BATF: variants seen among roughly 807,000 people sequenced by gnomAD.
BATF encodes basic leucine zipper ATF-like transcription factor.
In BATF, 5 loss-of-function variants were observed where a neutral mutation model predicts 13.7. The observed-to-expected ratio is 0.36, with a 90% confidence interval of 0.19 to 0.77. The LOEUF (loss-of-function observed/expected upper bound fraction) is 0.77. Among genes scored for constraint, BATF ranks in the 30% least tolerant of loss-of-function variants. BATF has a pLI of 0.51. For synonymous variants in BATF, 72 were observed against 67.5 expected (o/e 1.07, Z -0.33); for missense variants, 124 against 163.0 (o/e 0.76, Z 1.30).
intron 2 of BATF, among the ~76,000 whole-genome samples, chr14:75,541,395 C>T (rs778321954): frequency 6.6e-6 from 1 of 152,180 alleles, no homozygotes; most frequent in Non-Finnish European, 1.5e-5. Context: ...TCCCATTTAC[C>T]GCTGATGGAG....
intron 2 of BATF, among the ~76,000 whole-genome samples, chr14:75,534,079 C>T (rs1887783802): frequency 6.6e-6 from 1 of 152,166 alleles, no homozygotes; most frequent in Non-Finnish European, 1.5e-5. Flanking sequence ...TGAGTCCAAA[C>T]TTGACAGGGG....
intron 1 of BATF, among the ~76,000 whole-genome samples, chr14:75,523,293 T>C (rs1887603383): frequency 6.6e-6 from 1 of 151,858 alleles, no homozygotes. Context: ...ATCTCTCTAC[T>C]GGGGCACTGC....
At chr14:75,535,936 G>C (rs942912676) in intron 2 of BATF, among the ~76,000 whole-genome samples, 1 of 152,164 alleles carries the variant, frequency 6.6e-6, no homozygotes, top group Non-Finnish European at 1.5e-5. Context: ...AAGAGAGTAG[G>C]ATGACACAGA....
At chr14:75,532,227 GA>G in intron 2 of BATF, among the ~76,000 whole-genome samples, 1 of 152,198 alleles carries the variant, frequency 6.6e-6, no homozygotes, top group Non-Finnish European at 1.5e-5. Context: ...TTCAAACTCT[GA>G]TGAAGATGTA....
chr14:75,533,679 G>A (rs993510191), intron 2 of BATF, among the ~76,000 whole-genome samples: 1 of 152,124 alleles, frequency 6.6e-6, no homozygotes, highest in African/African-American at 2.4e-5. Context: ...TGGGTCCACA[G>A]TATAAAGGCC....
chr14:75,546,351 A>G (rs557769086), intron 2 of BATF, 111 bp from the exon 3 acceptor site: 3 of 1,058,350 alleles, frequency 2.8e-6, no homozygotes, highest in African/African-American at 3.2e-5. Context: ...GCCCTTCTCC[A>G]TGGCTGTGCT....
chr14:75,525,274 C>T (rs1274063763), intron 2 of BATF, 86 bp downstream of exon 2: 2 of 1,388,556 alleles, frequency 1.4e-6, no homozygotes, highest in Admixed American at 2.0e-5. Flanking sequence ...AGCTTTGATT[C>T]TGCTTGTGTG....
intron 2 of BATF, among the ~76,000 whole-genome samples, chr14:75,533,775 A>G (rs1329326225): frequency 1.3e-5 from 2 of 152,176 alleles, no homozygotes; most frequent in Non-Finnish European, 2.9e-5. Flanking sequence ...TAATAGTCAT[A>G]CTACCTTGTT....
chr14:75,532,364 G>T (rs1280225309), intron 2 of BATF, among the ~76,000 whole-genome samples: 1 of 152,046 alleles, frequency 6.6e-6, no homozygotes, highest in Non-Finnish European at 1.5e-5. Flanking sequence ...AGAAAGTAAA[G>T]ACATGTTTAC....
At position 75,522,723 on chromosome 14, in the gene BATF, G is replaced by C. The variant is rs777932710; in HGVS notation, c.41G>C (p.Arg14Pro). ...GACAGCAGTGACTCCAGCTTCAGCCGCTCTCCTCCCCCTGGCAAACAGGTA... is the reference window on the plus strand; with the variant it reads ...GACAGCAGTGACTCCAGCTTCAGCCCCTCTCCTCCCCCTGGCAAACAGGTA... Reference protein sequence around the residue: ...SSDSSDSSFSRSPPPGKQDSS... With the variant: ...SSDSSDSSFSPSPPPGKQDSS... Residue 14 changes from arginine (R) to proline (P), a missense_variant, in exon 1 of 3, where the codon CGC becomes CCC. Coordinates refer to ENST00000286639, the MANE Select transcript of BATF (RefSeq NM_006399.5). The C allele has an allele frequency of 5.6e-6, 9 of 1,614,168 alleles. No individual in the cohort carries two copies. Among genetic ancestry groups the C allele is most frequent in the Non-Finnish European group, 7.6e-6 (9 of 1,180,036 alleles).
chr14:75,532,885 A>T (rs1478459362), intron 2 of BATF, among the ~76,000 whole-genome samples: 1 of 152,208 alleles, frequency 6.6e-6, no homozygotes, highest in African/African-American at 2.4e-5. Flanking sequence ...GCATAAAGAG[A>T]TATCCGGAAG....
intron 2 of BATF, among the ~76,000 whole-genome samples, chr14:75,527,961 G>A (rs911417155): frequency 1.3e-5 from 2 of 152,178 alleles, no homozygotes; most frequent in Non-Finnish European, 2.9e-5. Context: ...TGTTCAATCT[G>A]CCCTACATCA....
chr14:75,523,221 A>AG (rs1555372165), intron 1 of BATF, among the ~76,000 whole-genome samples: 150 of 134,454 alleles, frequency 1.1e-3, no homozygotes, highest in Admixed American at 1.3e-3. Flanking sequence ...AAAAAAAAAA[A>AG]AAGAAGAAGA....
Position 75,522,735 on chromosome 14 carries a change from CT to C in BATF, c.54del (p.Gly19AlafsTer9). ...TCCAGCTTCAGCCGCTCTCCTCCCC[CT>C]GGCAAACAGGTAGAGTCCTCCTTTT... Reference protein sequence around the residue: ...SDSSFSRSPPPGKQDSSDDVR... With the variant: ...SDSSFSRSPPXGKQDSSDDVR... On this transcript the variant is annotated frameshift_variant, in exon 1 of 3. Transcript: ENST00000286639. LOFTEE classifies it high-confidence loss of function. 6.2e-7 allele frequency: 1 copy of C among 1,614,204 alleles called. No homozygotes were observed. Among genetic ancestry groups the C allele is most frequent in the Non-Finnish European group, 8.5e-7 (1 of 1,180,022 alleles).
At chr14:75,545,744 C>G (rs1465412777) in intron 2 of BATF, among the ~76,000 whole-genome samples, 1 of 152,102 alleles carries the variant, frequency 6.6e-6, no homozygotes, top group Non-Finnish European at 1.5e-5. Flanking sequence ...GCTGCTTTCC[C>G]TTGCTGTATT....
rs1887586798 is a variant in BATF, at chr14:75,522,594, C to G, written c.-89C>G. 6.6e-7 allele frequency: 1 copy of G among 1,507,668 alleles called. No homozygotes were observed. The highest frequency in any genetic ancestry group is 1.7e-4 in the Middle Eastern group (1 of 5,824). The allele number at this position is 1,507,668 out of a possible 1,614,324, so 93.4% of individuals were successfully genotyped here. Reference sequence around the variant, plus strand: ...CTGTAGGGGGTGGTGGGCTGGTGGCCCAGGAGAAGTCAGGAAGGGAGCCCA... The same window carrying G: ...CTGTAGGGGGTGGTGGGCTGGTGGCGCAGGAGAAGTCAGGAAGGGAGCCCA... On this transcript the variant is annotated 5_prime_UTR_variant, in exon 1 of 3. Coordinates refer to ENST00000286639, the MANE Select transcript of BATF (RefSeq NM_006399.5).
intron 1 of BATF, among the ~76,000 whole-genome samples, chr14:75,522,984 C>A (rs1379600260): frequency 6.6e-6 from 1 of 152,192 alleles, no homozygotes; most frequent in African/African-American, 2.4e-5. Flanking sequence ...GGCTGCCTAT[C>A]ACCTCTGCCT....
chr14:75,534,068 G>A (rs1887783444), intron 2 of BATF, among the ~76,000 whole-genome samples: 1 of 152,224 alleles, frequency 6.6e-6, no homozygotes, highest in African/African-American at 2.4e-5. Context: ...CAGAAAGAGA[G>A]TGAGTCCAAA....
rs759575309 is a variant in BATF, at chr14:75,522,704, A to G, written c.22A>G (p.Ser8Gly). 1.9e-6 allele frequency: 3 copies of G among 1,614,174 alleles called. No homozygotes were observed. The highest frequency in any genetic ancestry group is 2.5e-6 in the Non-Finnish European group (3 of 1,180,028). The change falls in exon 1 of 3, where the codon AGT becomes GGT. Residue 8 changes from serine to glycine, a missense_variant. By Grantham distance (56) the Ser-to-Gly change is moderately conservative. Transcript: ENST00000286639. ...AGCCATGCCTCACAGCTCCGACAGC[A>G]GTGACTCCAGCTTCAGCCGCTCTCC... The part of the protein sequence containing the change: MPHSSDS[S>G]DSSFSRSPPP...
Sources: gnomAD v4.1 joint callset for allele counts (sites outside exome capture counted in the v4.1 genomes callset) on GRCh38, gnomAD v4.1.1 for gene constraint, MANE v1.5 for transcripts, NCBI Gene and HGNC (gene_info 2026-07-23, HGNC 2026-07-21) for gene names.